Variants in EHMT2 observed in about 807,000 individuals in gnomAD.
EHMT2 encodes histone-lysine N-methyltransferase EHMT2.
EHMT2 carries 59 observed loss-of-function variants against 143.3 expected under a neutral mutation model. The ratio of observed to expected loss-of-function variants is 0.41; its 90% CI spans 0.33 to 0.51. The LOEUF (loss-of-function observed/expected upper bound fraction) is 0.51, where lower values mean the gene tolerates loss of function less well. EHMT2 is among the 20% of genes least tolerant of loss of function. The pLI is 0.18. For synonymous variants in EHMT2, 604 were observed against 651.5 expected (o/e 0.93, Z 1.11); for missense variants, 1,174 against 1,645.9 (o/e 0.71, Z 4.96).
At chr6:31,896,438 C>T in exon 4 of EHMT2, 2 of 1,613,050 alleles carry the variant, frequency 1.2e-6, no homozygotes, top group Non-Finnish European at 1.7e-6. Flanking sequence ...TTTTCCCGCC[C>T]CTGTCATTGA....
chr6:31,893,217 C>T (rs1765930482), intron 4 of EHMT2: 3 of 527,220 alleles, frequency 5.7e-6, no homozygotes, highest in African/African-American at 5.7e-5. Context: ...GGACTGTTTA[C>T]AACAGCTGAG....
chr6:31,882,615 A>AGGT (rs1764258363), intron 25 of EHMT2, 84 bp downstream of exon 25: 1 of 1,320,614 alleles, frequency 7.6e-7, no homozygotes, highest in African/African-American at 1.4e-5. Flanking sequence ...TCATCAGGGC[A>AGGT]GATGGCTGAG....
At chr6:31,886,558 G>T (rs749707795) in intron 18 of EHMT2, 23 bp downstream of exon 18, 3 of 1,600,768 alleles carry the variant, frequency 1.9e-6, no homozygotes, top group South Asian at 1.1e-5. Context: ...ACCCAGAGGG[G>T]CTGGGCTGGG....
Position 31,888,839 on chromosome 6 carries a change from C to A in EHMT2, c.1217-92G>T. 1 of 1,530,018 alleles carries A rather than the reference C, an allele frequency of 6.5e-7. No homozygotes were observed. The highest frequency in any genetic ancestry group is 8.8e-7 in the Non-Finnish European group (1 of 1,131,502). 94.8% of individuals were successfully genotyped at this position (1,530,018 alleles called of 1,614,324 possible). A position where few individuals can be genotyped will look rare whatever the true frequency, so the allele number is the denominator to read the frequency against. ...CCTCTCACTCCCTCCCTACCCCACC[C>A]CGCCATGCCCCAGAACCCCTAAAGC... On this transcript the variant is annotated intron_variant, in intron 10 of 27. Transcript: ENST00000375537. The surrounding 1 kb of genome is among the most constrained non-coding windows in gnomAD (Gnocchi z 7.4).
At chr6:31,886,966 A>G (rs376299129) in intron 16 of EHMT2, 29 bp downstream of exon 16, 11 of 1,613,624 alleles carry the variant, frequency 6.8e-6, no homozygotes, top group African/African-American at 1.3e-5. Context: ...GGCCTGGTGA[A>G]TGAGGCATGG....
exon 19 of EHMT2, chr6:31,885,011 A>C: frequency 6.2e-7 from 1 of 1,605,818 alleles, no homozygotes. Flanking sequence ...TCCACCCCCC[A>C]CTGTCCTGTG....
intron 4 of EHMT2, 107 bp downstream of exon 4, chr6:31,896,156 T>C: frequency 6.1e-6 from 9 of 1,468,012 alleles, no homozygotes; most frequent in Non-Finnish European, 8.3e-6. Flanking sequence ...AGCAGCCCCT[T>C]GCTTAAATAT....
chr6:31,880,595 A>T lies in EHMT2; in HGVS notation c.3452+78T>A, dbSNP rs1180747542. On this transcript the variant is annotated intron_variant, in intron 27 of 27. Coordinates refer to ENST00000375537, the Ensembl canonical transcript of EHMT2. This position sits in a 1 kb window ranked among gnomAD's most constrained non-coding sequence, Gnocchi z 6.6. ...ACTACTCCATGCCTGGACACCAGGT[A>T]CATGCCAGCCTTCAGGTCCCAGGTT... The T allele has an allele frequency of 2.7e-6, 4 of 1,473,002 alleles. No homozygotes were observed. Among genetic ancestry groups the T allele is most frequent in the Non-Finnish European group, 3.8e-6 (4 of 1,066,010 alleles). The allele number at this position is 1,473,002 out of a possible 1,614,324, so 91.2% of individuals were successfully genotyped here.
In EHMT2 at chr6:31,884,567, G is replaced by A. The variant is rs746974132; in HGVS notation, c.2604-8C>T. On this transcript the variant is annotated splice_region_variant and splice_polypyrimidine_tract_variant and intron_variant, in intron 20 of 27. Coordinates refer to ENST00000375537, the Ensembl canonical transcript of EHMT2. The surrounding 1 kb of genome is among the most constrained non-coding windows in gnomAD (Gnocchi z 7.3). ...CCACGTGACAGGAATAACCTGAAGA[G>A]GGGACAGGATGCCCAATGCAGGGTC... 2 of 1,612,680 alleles carry A rather than the reference G, an allele frequency of 1.2e-6. No homozygotes were observed. Among genetic ancestry groups the A allele is most frequent in the Non-Finnish European group, 1.7e-6 (2 of 1,179,850 alleles).
Position 31,889,543 on chromosome 6 carries a change from T to TTCC in EHMT2, c.921_923dup (p.Glu323dup). 1 of 1,610,792 alleles carries TTCC rather than the reference T, an allele frequency of 6.2e-7. No individual in the cohort carries two copies. Among genetic ancestry groups the TTCC allele is most frequent in the Non-Finnish European group, 8.5e-7 (1 of 1,179,036 alleles). On this transcript the variant is annotated inframe_insertion, in exon 8 of 28. Transcript: ENST00000375537. This position sits in a 1 kb window ranked among gnomAD's most constrained non-coding sequence, Gnocchi z 5.1. The stretch of plus-strand genomic sequence containing the variant: ...CCTCCTCCTCTTCCTCTTCTTCTTC[T>TTCC]TCCTCCTCTTCCTCCTCCTCCTCTT...
chr6:31,886,082 G>A (rs188675870), intron 18 of EHMT2: 152 of 151,360 alleles, frequency 1.0e-3, no homozygotes, highest in South Asian at 2.8e-3. Context: ...GTGAGACTCC[G>A]TCTCAAAAAA....
In EHMT2 at chr6:31,881,398, G is replaced by A. The variant is rs956168893; in HGVS notation, c.3198-306C>T. ...ACACAGAGAGGTTTGTGTTCCAGGA[G>A]CCACCCGGCAGGAATGGGCGATATG... is the stretch of plus-strand genomic sequence containing the variant. On this transcript the variant is annotated intron_variant, in intron 25 of 27. Coordinates refer to ENST00000375537, the Ensembl canonical transcript of EHMT2. This position sits in a 1 kb window ranked among gnomAD's most constrained non-coding sequence, Gnocchi z 4.8. 1 of 509,208 alleles carries A rather than the reference G, an allele frequency of 2.0e-6. No individual in the cohort carries two copies. Among genetic ancestry groups the A allele is most frequent in the East Asian group, 3.5e-5 (1 of 28,658 alleles). The allele number at this position is 509,208 out of a possible 1,614,324, so 31.5% of individuals were successfully genotyped here. A position where few individuals can be genotyped will look rare whatever the true frequency, so the allele number is the denominator to read the frequency against.
Position 31,883,809 on chromosome 6 carries a change from C to T in EHMT2, c.2913G>A (p.Leu971=). 9 of 1,613,754 alleles carry T rather than the reference C, an allele frequency of 5.6e-6. No individual in the cohort carries two copies. Among genetic ancestry groups the T allele is most frequent in the South Asian group, 1.1e-5 (1 of 91,062 alleles). ...AGGCCCCGGGCCCCCTACTCACCTGCAGGTGGGTGATGTTGCGATCGATGT... is the reference window on the plus strand; with the variant it reads ...AGGCCCCGGGCCCCCTACTCACCTGTAGGTGGGTGATGTTGCGATCGATGT... The change falls in exon 22 of 28, where the codon CTG becomes CTA. Residue 971 remains leucine (L), a synonymous_variant. Coordinates refer to ENST00000375537, the Ensembl canonical transcript of EHMT2. This position sits in a 1 kb window ranked among gnomAD's most constrained non-coding sequence, Gnocchi z 5.6.
At chr6:31,891,909 T>C (rs1410145408) in intron 7 of EHMT2, among the ~76,000 whole-genome samples, 1 of 151,718 alleles carries the variant, frequency 6.6e-6, no homozygotes, top group Non-Finnish European at 1.5e-5. Context: ...TGCAGGGTGG[T>C]GGCCACCTTT....
In EHMT2 at chr6:31,896,386, A is replaced by T; in HGVS notation, c.459T>A (p.Ser153Arg). Residue 153 changes from serine to arginine, a missense_variant, in exon 4 of 28, where the codon AGT becomes AGA. Around this residue, in one of 6 missense-constraint regions of EHMT2, gnomAD observed 399 missense variants for 404.4 expected, o/e 0.99. Transcript: ENST00000375537. ...CTGCAGCTCCCTGGGCTCCTGGCATACTCAGTAGCCTCATAGCCAAACTCT... is the reference window on the plus strand; with the variant it reads ...CTGCAGCTCCCTGGGCTCCTGGCATTCTCAGTAGCCTCATAGCCAAACTCT... 4 of 1,612,840 alleles carry T rather than the reference A, an allele frequency of 2.5e-6. No homozygotes were observed. The highest frequency in any genetic ancestry group is 3.4e-6 in the Non-Finnish European group (4 of 1,180,002).
In EHMT2 at chr6:31,889,440, T is replaced by C. The variant is rs1432351783; in HGVS notation, c.999+28A>G. The C allele has an allele frequency of 2.5e-6, 4 of 1,611,702 alleles. No individual in the cohort carries two copies. Among genetic ancestry groups the C allele is most frequent in the Non-Finnish European group, 3.4e-6 (4 of 1,179,396 alleles). The stretch of plus-strand genomic sequence containing the variant: ...CTCCAGCCCCATAGTCTCCCACTCC[T>C]CTGGAGATATCAGCCTCCGTCTCTT... On this transcript the variant is annotated intron_variant, in intron 8 of 27. Transcript: ENST00000375537. The surrounding 1 kb of genome is among the most constrained non-coding windows in gnomAD (Gnocchi z 5.1).
chr6:31,879,966 A>T, exon 28 of EHMT2: 1 of 1,169,056 alleles, frequency 8.6e-7, no homozygotes, highest in South Asian at 1.4e-5. Flanking sequence ...GAATGTGTGA[A>T]AGGGTGGTGG....
chr6:31,896,744 G>T, exon 3 of EHMT2: 1 of 1,613,038 alleles, frequency 6.2e-7, no homozygotes, highest in Non-Finnish European at 8.5e-7. Context: ...GGAGATGAGG[G>T]GCCAGCAGGC....
At chr6:31,887,262 A>G in intron 15 of EHMT2, 161 bp from the exon 16 acceptor site, 1 of 658,330 alleles carries the variant, frequency 1.5e-6, no homozygotes, top group Non-Finnish European at 2.6e-6. Context: ...ATTTATCAGA[A>G]TAAGGAGTCA....
Sources: allele counts gnomAD v4.1 joint callset (sites outside exome capture counted in the v4.1 genomes callset), GRCh38; gene constraint gnomAD v4.1.1; regional missense constraint gnomAD v4.1.1; non-coding constraint Gnocchi (gnomAD v3.1); transcripts MANE v1.5; gene names NCBI Gene and HGNC (gene_info 2026-07-23, HGNC 2026-07-21).